The following ARF4 variants were observed in gnomAD, a reference collection of about 807,000 sequenced individuals.
ARF4 encodes ADP-ribosylation factor 4.
Under a neutral mutation model 24.3 loss-of-function variants are expected in ARF4, and 5 were observed. That is an observed-to-expected ratio of 0.21 (90% CI 0.11 to 0.43). The LOEUF (loss-of-function observed/expected upper bound fraction) is 0.43. Ranked by LOEUF, ARF4 falls within the 20% of genes least tolerant of loss-of-function variation. ARF4 has a pLI of 1.00. For missense variants in ARF4, 107 were observed against 213.0 expected, an observed-to-expected ratio of 0.50 and a Z score of 3.10; for synonymous variants, 62 against 73.5, an observed-to-expected ratio of 0.84 and a Z score of 0.80.
At position 57,597,127 on chromosome 3, in the gene ARF4, A is replaced by G. The variant is rs1447051765; in HGVS notation, c.14T>C (p.Ile5Thr). Reference protein sequence around the residue: MGLTISSLFSRLFGK... With the variant: MGLTTSSLFSRLFGK... ...AAATAGTCGGGAGAAGAGGGAGGAG[A>G]TAGTGAGGCCCATGGCGGTAGTGGC... is the stretch of plus-strand genomic sequence containing the variant. The change falls in exon 1 of 6, where the codon ATC becomes ACC. Residue 5 changes from isoleucine (I) to threonine (T), a missense_variant. By Grantham distance (89) the Ile-to-Thr change is moderately conservative (BLOSUM62 -1). Coordinates refer to ENST00000303436, the MANE Select transcript of ARF4 (RefSeq NM_001660.4). The G allele has an allele frequency of 6.2e-7, 1 of 1,613,968 alleles. No individual in the cohort carries two copies. Among genetic ancestry groups the G allele is most frequent in the Non-Finnish European group, 8.5e-7 (1 of 1,179,926 alleles).
intron 4 of ARF4, among the ~76,000 whole-genome samples, chr3:57,576,330 C>G (rs370503380): frequency 6.6e-6 from 1 of 151,718 alleles, no homozygotes; most frequent in Non-Finnish European, 1.5e-5. Context: ...GTGTGGTGTA[C>G]GAGAGGAAGG....
intron 1 of ARF4, among the ~76,000 whole-genome samples, chr3:57,593,735 G>A (rs928590452): frequency 1.3e-5 from 2 of 152,088 alleles, no homozygotes; most frequent in African/African-American, 4.8e-5. Context: ...ACAGAAACCA[G>A]ACTTAAAATA....
chr3:57,573,371 G>A (rs2069863465), intron 5 of ARF4, among the ~76,000 whole-genome samples: 1 of 152,010 alleles, frequency 6.6e-6, no homozygotes, highest in African/African-American at 2.4e-5. Flanking sequence ...AAAAAACCTA[G>A]AAAACAATTT....
chr3:57,591,775 A>C (rs965301006), intron 1 of ARF4, among the ~76,000 whole-genome samples: 3 of 152,112 alleles, frequency 2.0e-5, no homozygotes, highest in African/African-American at 7.2e-5. Flanking sequence ...ATTATGAATG[A>C]ACTTTGACAA....
rs1398502053 is a variant in ARF4 at position 57,572,013 on chromosome 3, G to C, written c.*199C>G. On this transcript the variant is annotated 3_prime_UTR_variant, in exon 6 of 6. Transcript: ENST00000303436. The stretch of plus-strand genomic sequence containing the variant: ...TAAAAGAGGATACTTTTTTCCCAAG[G>C]AGAATTTCTTTAAAACCAAGCACAT... 8.3e-6 allele frequency: 4 copies of C among 481,964 alleles called. No homozygotes were observed. Among genetic ancestry groups the C allele is most frequent in the Admixed American group, 7.3e-5 (2 of 27,352 alleles). 29.9% of individuals were successfully genotyped at this position (481,964 alleles called of 1,614,324 possible). A position where few individuals can be genotyped will look rare whatever the true frequency, so the allele number is the denominator to read the frequency against.
At chr3:57,594,914 G>A (rs1311110677) in intron 1 of ARF4, among the ~76,000 whole-genome samples, 1 of 152,040 alleles carries the variant, frequency 6.6e-6, no homozygotes, top group Non-Finnish European at 1.5e-5. Context: ...TATCTCCCTC[G>A]TACGTTGATA....
At chr3:57,589,852 G>C (rs2070086939) in intron 1 of ARF4, among the ~76,000 whole-genome samples, 1 of 151,884 alleles carries the variant, frequency 6.6e-6, no homozygotes, top group Non-Finnish European at 1.5e-5. Flanking sequence ...CAGCACTTTA[G>C]GAGGCCGAGG....
chr3:57,574,374 C>G (rs1430766565), intron 5 of ARF4, among the ~76,000 whole-genome samples: 12 of 151,522 alleles, frequency 7.9e-5, no homozygotes, highest in Non-Finnish European at 1.5e-4. Flanking sequence ...CACTGAATCA[C>G]TGATCAATGA....
chr3:57,584,105 C>CT, intron 2 of ARF4, 98 bp from the exon 3 acceptor site: 1 of 849,582 alleles, frequency 1.2e-6, no homozygotes, highest in Non-Finnish European at 1.8e-6. Flanking sequence ...TAAAGTACTT[C>CT]TTTTTATTTT....
chr3:57,595,366 G>A (rs1415291532), intron 1 of ARF4, among the ~76,000 whole-genome samples: 1 of 152,144 alleles, frequency 6.6e-6, no homozygotes, highest in Non-Finnish European at 1.5e-5. Context: ...ATCACAGTCC[G>A]AAGTCCTCCC....
chr3:57,583,574 A>G (rs1301714112), intron 3 of ARF4, among the ~76,000 whole-genome samples: 2 of 152,236 alleles, frequency 1.3e-5, no homozygotes, highest in Non-Finnish European at 1.5e-5. Flanking sequence ...AGAAACTACA[A>G]TGACAGTTTA....
intron 3 of ARF4, among the ~76,000 whole-genome samples, chr3:57,580,979 A>C (rs2153408775): frequency 6.6e-6 from 1 of 152,306 alleles, no homozygotes; most frequent in South Asian, 2.1e-4. Flanking sequence ...GAATTATTTT[A>C]GGTATTAATC....
intron 1 of ARF4, among the ~76,000 whole-genome samples, chr3:57,596,406 T>C (rs1340003460): frequency 1.3e-5 from 2 of 152,032 alleles, no homozygotes. Context: ...TTTTTGAAAA[T>C]AGTCAAAGAA....
At chr3:57,589,077 G>A (rs1033217028) in intron 1 of ARF4, among the ~76,000 whole-genome samples, 2 of 148,708 alleles carry the variant, frequency 1.3e-5, no homozygotes, top group Admixed American at 1.4e-4. Context: ...ACTCCAACCT[G>A]GGCAACAGGA....
chr3:57,579,538 T>G (rs566439350), intron 3 of ARF4, among the ~76,000 whole-genome samples: 1 of 152,004 alleles, frequency 6.6e-6, no homozygotes, highest in Non-Finnish European at 1.5e-5. Flanking sequence ...TCTGCCTGCT[T>G]TGGCCTCCCA....
intron 1 of ARF4, among the ~76,000 whole-genome samples, chr3:57,590,182 C>T (rs2070094979): frequency 6.6e-6 from 1 of 150,680 alleles, no homozygotes; most frequent in Non-Finnish European, 1.5e-5. Context: ...CAGCTAGTAT[C>T]ATAATTAGTG....
At chr3:57,580,223 G>A (rs998639557) in intron 3 of ARF4, among the ~76,000 whole-genome samples, 1 of 151,956 alleles carries the variant, frequency 6.6e-6, no homozygotes, top group African/African-American at 2.4e-5. Context: ...ACTATGCCTC[G>A]TCTAAATAAA....
At chr3:57,573,396 GTTTA>G (rs2069863694) in intron 5 of ARF4, among the ~76,000 whole-genome samples, 1 of 152,022 alleles carries the variant, frequency 6.6e-6, no homozygotes, top group South Asian at 2.1e-4. Flanking sequence ...TTAAGGCATA[GTTTA>G]CTTTTATTAA....
chr3:57,586,761 T>A (rs894161993), intron 1 of ARF4, among the ~76,000 whole-genome samples: 1 of 152,142 alleles, frequency 6.6e-6, no homozygotes, highest in Non-Finnish European at 1.5e-5. Flanking sequence ...ACATTAAAGT[T>A]TGGCATCTTT....
Sources: allele counts gnomAD v4.1 joint callset (sites outside exome capture counted in the v4.1 genomes callset), GRCh38; gene constraint gnomAD v4.1.1; transcripts MANE v1.5; gene names NCBI Gene and HGNC (gene_info 2026-07-23, HGNC 2026-07-21).